Variants in MAPKBP1 observed in about 807,000 individuals in gnomAD.
MAPKBP1 encodes the protein mitogen-activated protein kinase binding protein 1.
Under a neutral mutation model 170.5 loss-of-function variants are expected in MAPKBP1, and 71 were observed. The observed-to-expected ratio is 0.42, with a 90% CI of 0.34 to 0.51. MAPKBP1 has a LOEUF of 0.51. Among genes scored for constraint, MAPKBP1 ranks in the 20% least tolerant of loss-of-function variants. MAPKBP1 has a pLI of 0.06. For missense variants in MAPKBP1, 1,598 were observed against 1,933.0 expected (o/e 0.83, Z 3.25); for synonymous variants, 719 against 757.9 (o/e 0.95, Z 0.84).
In MAPKBP1 at chr15:41,775,043, C is replaced by A. The variant is rs1004295183; in HGVS notation, c.-109-124C>A. On this transcript the variant is annotated intron_variant, in intron 1 of 30. Transcript: ENST00000457542. ...CCTTTCCTTCCGACGTTGTAAGAAACTGTGCAGGGCTAGAAGGTGGGGATG... is the reference window on the plus strand; with the variant it reads ...CCTTTCCTTCCGACGTTGTAAGAAAATGTGCAGGGCTAGAAGGTGGGGATG... The A allele has an allele frequency of 8.8e-6, 4 of 455,490 alleles. No individual in the cohort carries two copies. In the South Asian group the frequency reaches 1.5e-4, roughly 17 times the overall value. The allele number at this position is 455,490 out of a possible 1,614,324, so 28.2% of individuals were successfully genotyped here.
intron 2 of MAPKBP1, among the ~76,000 whole-genome samples, chr15:41,794,509 G>A (rs1028608475): frequency 6.6e-6 from 1 of 152,148 alleles, no homozygotes; most frequent in Admixed American, 6.5e-5. Context: ...GAAACAAAAT[G>A]TTACCTGTAC....
In MAPKBP1 at chr15:41,817,537, A is replaced by AGGGAG; in HGVS notation, c.1783-75_1783-71dup. The stretch of plus-strand genomic sequence containing the variant: ...CCCTGCCTAAGGTTACAAGAGGTGA[A>AGGGAG]GGGAGGCGCAAGTAGGGCTCTTGGG... On this transcript the variant is annotated intron_variant, in intron 15 of 30. Coordinates refer to ENST00000457542, the MANE Select transcript of MAPKBP1 (RefSeq NM_014994.3). This position sits in a 1 kb window ranked among gnomAD's most constrained non-coding sequence, Gnocchi z 4.2. 6.2e-7 allele frequency: 1 copy of AGGGAG among 1,613,472 alleles called. No homozygotes were observed. The highest frequency in any genetic ancestry group is 1.1e-5 in the South Asian group (1 of 91,050).
At chr15:41,779,863 C>A (rs978271178) in intron 2 of MAPKBP1, among the ~76,000 whole-genome samples, 1 of 152,196 alleles carries the variant, frequency 6.6e-6, no homozygotes, top group African/African-American at 2.4e-5. Flanking sequence ...TGAAATAAGG[C>A]TTGTGAAGTG....
chr15:41,823,186 C>T lies in MAPKBP1; in HGVS notation c.3562C>T (p.Gln1188Ter). Residue 1188 changes from glutamine to a stop codon, truncating the protein, a stop_gained, in exon 28 of 31, where the codon CAG becomes TAG. Transcript: ENST00000457542. LOFTEE classifies it high-confidence loss of function. ...CACAGCCAGCCCCTTTTCTGGACTC[C>T]AGAAGGCCCAGTCTGTGCACAGTCT... Reference protein sequence around the residue: ...VATASPFSGLQKAQSVHSLVP... With the variant: ...VATASPFSGL 6.2e-7 allele frequency: 1 copy of T among 1,613,700 alleles called. No individual in the cohort carries two copies. Among genetic ancestry groups the T allele is most frequent in the Non-Finnish European group, 8.5e-7 (1 of 1,180,026 alleles).
Position 41,823,950 on chromosome 15 carries a change from C to T in MAPKBP1, c.4102C>T (p.Pro1368Ser). The change falls in exon 29 of 31, where the codon CCA becomes TCA. Residue 1368 changes from proline (P) to serine (S), a missense_variant. Pro to Ser is a moderately conservative substitution (Grantham distance 74). Around this residue, in one of 6 missense-constraint regions of MAPKBP1, gnomAD observed 942 missense variants for 953.2 expected, o/e 0.99. Transcript: ENST00000457542. ...GPSSPCAQQL[P>S]VSSLFQGPEN... Reference sequence around the variant, plus strand: ...CAGCAGCCCCTGTGCCCAGCAACTGCCAGTCAGCAGCCTCTTCCAAGGCCC... The same window carrying T: ...CAGCAGCCCCTGTGCCCAGCAACTGTCAGTCAGCAGCCTCTTCCAAGGCCC... 1 of 1,614,150 alleles carries T rather than the reference C, an allele frequency of 6.2e-7. No homozygotes were observed. Among genetic ancestry groups the T allele is most frequent in the Non-Finnish European group, 8.5e-7 (1 of 1,180,020 alleles).
chr15:41,789,292 G>A (rs1467217404), intron 2 of MAPKBP1, among the ~76,000 whole-genome samples: 1 of 149,698 alleles, frequency 6.7e-6, no homozygotes, highest in African/African-American at 2.5e-5. Context: ...GACTTTAGAG[G>A]AAAAAAAAAA....
intron 3 of MAPKBP1, 72 bp downstream of exon 3, chr15:41,799,986 A>C (rs1460485817): frequency 7.7e-7 from 1 of 1,297,166 alleles, no homozygotes; most frequent in Admixed American, 1.7e-5. Flanking sequence ...TGGGATGGGC[A>C]GGGATTTTCT....
At position 41,812,987 on chromosome 15, in the gene MAPKBP1, T is replaced by C. The variant is rs761209616; in HGVS notation, c.705T>C (p.Thr235=). 21 of 1,613,738 alleles carry C rather than the reference T, an allele frequency of 1.3e-5. No individual in the cohort carries two copies. Among genetic ancestry groups the C allele is most frequent in the Non-Finnish European group, 1.7e-5 (20 of 1,179,878 alleles). The change falls in exon 8 of 31, where the codon ACT becomes ACC. Residue 235 remains threonine, a synonymous_variant. Coordinates refer to ENST00000457542, the MANE Select transcript of MAPKBP1 (RefSeq NM_014994.3). ...GAGAGCTACGGAACAACCTATTCACTGATGTGGCCTGTGGCAGAGGAAAAA... is the reference window on the plus strand; with the variant it reads ...GAGAGCTACGGAACAACCTATTCACCGATGTGGCCTGTGGCAGAGGAAAAA... ...LLGELRNNLF[T]DVACGRGKKA...
At position 41,811,586 on chromosome 15, in the gene MAPKBP1, GC is replaced by G. The variant is rs1567147807; in HGVS notation, c.327+356del. On this transcript the variant is annotated intron_variant, in intron 5 of 30. Coordinates refer to ENST00000457542, the MANE Select transcript of MAPKBP1 (RefSeq NM_014994.3). ...CCTTAACTATTCCTTACCCCCGGGG[GC>G]CCCCTGCTGGGCTCAGGAGGAACGC... 8.2e-6 allele frequency: 5 copies of G among 612,914 alleles called. No individual in the cohort carries two copies. In the East Asian group the frequency reaches 1.1e-4, roughly 13 times the overall value. The allele number at this position is 612,914 out of a possible 1,614,324, so 38.0% of individuals were successfully genotyped here.
chr15:41,814,506 C>T (rs756461822), intron 9 of MAPKBP1, 44 bp from the exon 10 acceptor site: 12 of 1,576,152 alleles, frequency 7.6e-6, no homozygotes, highest in South Asian at 2.3e-5. Context: ...CTTCTCTTTT[C>T]ATTCCCTTCA....
chr15:41,776,438 G>A (rs1394575075), intron 2 of MAPKBP1, among the ~76,000 whole-genome samples: 2 of 152,238 alleles, frequency 1.3e-5, no homozygotes, highest in Non-Finnish European at 2.9e-5. Context: ...GTAAGAAGGT[G>A]AAGAGCTTTC....
chr15:41,821,842 T>G, intron 24 of MAPKBP1, 92 bp downstream of exon 24: 2 of 1,580,960 alleles, frequency 1.3e-6, no homozygotes, highest in Non-Finnish European at 1.7e-6. Context: ...CCCAGGATAC[T>G]CAGGGCTTTC....
chr15:41,819,556 G>GGGGC, intron 21 of MAPKBP1, 39 bp from the exon 22 acceptor site: 2 of 1,347,674 alleles, frequency 1.5e-6, no homozygotes, highest in Non-Finnish European at 2.0e-6. Flanking sequence ...GCGGGGGGGG[G>GGGGC]GCAGGAGACA....
At chr15:41,795,174 AAAAAAAAG>A (rs2064465921) in intron 2 of MAPKBP1, among the ~76,000 whole-genome samples, 1 of 151,886 alleles carries the variant, frequency 6.6e-6, no homozygotes, top group Admixed American at 6.6e-5. Flanking sequence ...AAAAAAAAAA[AAAAAAAAG>A]AAAAAGAAAA....
chr15:41,794,154 C>A (rs960415040), intron 2 of MAPKBP1, among the ~76,000 whole-genome samples: 10 of 152,068 alleles, frequency 6.6e-5, no homozygotes, highest in African/African-American at 2.2e-4. Context: ...ATCGCTTGAA[C>A]CCTGGAGGCA....
intron 8 of MAPKBP1, 89 bp downstream of exon 8, chr15:41,813,190 C>G: frequency 1.3e-6 from 2 of 1,537,004 alleles, no homozygotes; most frequent in Admixed American, 1.8e-5. Flanking sequence ...AGGGGCTGGT[C>G]CCTTGTGCAT....
chr15:41,820,105 G>A (rs1418525392), intron 22 of MAPKBP1, among the ~76,000 whole-genome samples: 3 of 152,208 alleles, frequency 2.0e-5, no homozygotes, highest in African/African-American at 7.2e-5. Context: ...TTCCAGAATA[G>A]TTAGAGGGAA....
intron 1 of MAPKBP1, chr15:41,774,880 G>A: frequency 2.3e-6 from 1 of 438,074 alleles, no homozygotes; most frequent in Non-Finnish European, 4.0e-6. Flanking sequence ...CATGGGAACA[G>A]TTGGGCATTA....
At chr15:41,802,189 A>G (rs1197773) in intron 3 of MAPKBP1, among the ~76,000 whole-genome samples, 22,607 of 152,248 alleles carry the variant, frequency 0.15, 2,604 homozygotes, top group East Asian at 0.68. Context: ...GCACACCTGT[A>G]TAAGGCACTT....
Sources: gnomAD v4.1 joint callset for allele counts (sites outside exome capture counted in the v4.1 genomes callset) on GRCh38, gnomAD v4.1.1 for gene constraint, gnomAD v4.1.1 regional missense constraint, Gnocchi (gnomAD v3.1) non-coding constraint, MANE v1.5 for transcripts, NCBI Gene and HGNC (gene_info 2026-07-23, HGNC 2026-07-21) for gene names.